The following NIN variants were observed in gnomAD, a reference collection of about 807,000 sequenced individuals.
The protein encoded by NIN is glycogen synthase kinase 3 beta-interacting protein.
NIN carries 137 observed loss-of-function variants against 257.6 expected under a neutral mutation model. The observed-to-expected ratio is 0.53, with a 90% CI of 0.46 to 0.61. The LOEUF (loss-of-function observed/expected upper bound fraction) is 0.61. NIN is among the 20% of genes least tolerant of loss of function. The probability of loss-of-function intolerance (pLI) is 0.00; values close to 1 mark genes in which losing one functional copy is unlikely to be tolerated. For missense variants in NIN, 2,439 were observed against 2,501.2 expected, an observed-to-expected ratio of 0.98 and a Z score of 0.53; for synonymous variants, 918 against 919.8, an observed-to-expected ratio of 1.00 and a Z score of 0.04.
chr14:50,766,509 G>T, intron 13 of NIN, 113 bp from the exon 14 acceptor site: 1 of 936,992 alleles, frequency 1.1e-6, no homozygotes. Context: ...TGATAGGAAT[G>T]TGACATGTAA....
At chr14:50,766,978 C>A in intron 12 of NIN, 88 bp from the exon 13 acceptor site, 2 of 839,608 alleles carry the variant, frequency 2.4e-6, no homozygotes, top group South Asian at 1.6e-5. Flanking sequence ...AAATCAGTAC[C>A]GTAGATTAAA....
chr14:50,745,122 G>C (rs1272088457), intron 22 of NIN, among the ~76,000 whole-genome samples: 3 of 152,078 alleles, frequency 2.0e-5, no homozygotes, highest in Admixed American at 6.5e-5. Context: ...ATGAAATCAA[G>C]ACAAACCAAA....
rs1481509627 is a variant in NIN at position 50,760,004 on chromosome 14, G to C, written c.2252C>G (p.Thr751Arg). The C allele has an allele frequency of 3.1e-6, 5 of 1,614,110 alleles. No individual in the cohort carries two copies. In the Admixed American group the frequency reaches 5.0e-5, roughly 16 times the overall value. ...AGTCAAGCCTCTCACCTTCTCTTCT[G>C]TCCAGGCGCTACTCTGAAGGCCTTC... ...EREGLQSSAW[T>R]EEKVRGLTQE... The change falls in exon 17 of 31, where the codon ACA becomes AGA. Residue 751 changes from threonine to arginine, a missense_variant. Thr to Arg is a moderately conservative substitution (Grantham distance 71). Coordinates refer to ENST00000530997, the MANE Select transcript of NIN (RefSeq NM_020921.4).
At chr14:50,725,818 C>T (rs563362580) in intron 30 of NIN, 135 bp downstream of exon 30, 1 of 1,513,886 alleles carries the variant, frequency 6.6e-7, no homozygotes, top group Admixed American at 2.0e-5. Context: ...ATCCTAAGTT[C>T]TTACAGACAT....
intron 27 of NIN, among the ~76,000 whole-genome samples, chr14:50,737,518 A>G (rs2041044698): frequency 7.0e-6 from 1 of 142,500 alleles, no homozygotes; most frequent in Non-Finnish European, 1.5e-5. Context: ...AAAAAAAAAA[A>G]AAGCCCATAT....
Position 50,772,332 on chromosome 14 carries a change from T to G in NIN, c.950A>C (p.Glu317Ala). Residue 317 changes from glutamate to alanine, a missense_variant, in exon 9 of 31, where the codon GAG becomes GCG. Glu to Ala is a moderately radical substitution (Grantham distance 107, BLOSUM62 -1). Coordinates refer to ENST00000530997, the MANE Select transcript of NIN (RefSeq NM_020921.4). ...VERILDTWQE[E>A]GIENSQEILK... Reference sequence around the variant, plus strand: ...GATCTCCTGGCTGTTCTCAATGCCCTCTTCCTGCCAGGTGTCCAGTATTCT... The same window carrying G: ...GATCTCCTGGCTGTTCTCAATGCCCGCTTCCTGCCAGGTGTCCAGTATTCT... 2 of 1,612,886 alleles carry G rather than the reference T, an allele frequency of 1.2e-6. No individual in the cohort carries two copies. The highest frequency in any genetic ancestry group is 1.7e-6 in the Non-Finnish European group (2 of 1,178,984).
At chr14:50,808,399 C>T (rs751892858) in intron 3 of NIN, among the ~76,000 whole-genome samples, 13 of 152,188 alleles carry the variant, frequency 8.5e-5, no homozygotes, top group Non-Finnish European at 1.5e-4. Flanking sequence ...TGAATTTCTA[C>T]AGAATCATTC....
At chr14:50,729,208 A>G (rs1039264153) in intron 29 of NIN, among the ~76,000 whole-genome samples, 1 of 152,118 alleles carries the variant, frequency 6.6e-6, no homozygotes, top group Non-Finnish European at 1.5e-5. Context: ...TGGATTTGTC[A>G]TACAGGTTAA....
At chr14:50,755,007 T>G in intron 18 of NIN, 140 bp from the exon 19 acceptor site, 2 of 540,148 alleles carry the variant, frequency 3.7e-6, no homozygotes, top group Non-Finnish European at 6.5e-6. Context: ...TCTTAGTATT[T>G]GGAAATCGAG....
chr14:50,757,064 A>G lies in NIN; in HGVS notation c.3966T>C (p.Asn1322=), dbSNP rs765651164. ...TGCCTTGAAGTCTCAAAACCAGAAC[A>G]TTCAGCCCCTCATTTTCTATTTTGA... The part of the protein sequence containing the change: ...DEVKIENEGL[N]VLVLRLQGKI... The change falls in exon 18 of 31, where the codon AAT becomes AAC. Residue 1322 remains asparagine, a synonymous_variant. Coordinates refer to ENST00000530997, the MANE Select transcript of NIN (RefSeq NM_020921.4). The G allele has an allele frequency of 5.0e-6, 8 of 1,613,704 alleles. No homozygotes were observed. The highest frequency in any genetic ancestry group is 1.6e-4 in the Middle Eastern group (1 of 6,080).
intron 5 of NIN, among the ~76,000 whole-genome samples, chr14:50,786,005 G>C (rs1031147216): frequency 6.6e-6 from 1 of 152,154 alleles, no homozygotes; most frequent in South Asian, 2.1e-4. Flanking sequence ...AAGTGCATGC[G>C]GGGGATGACA....
chr14:50,771,590 C>T (rs2042735183), intron 9 of NIN, 122 bp from the exon 10 acceptor site: 7 of 1,048,312 alleles, frequency 6.7e-6, no homozygotes, highest in Admixed American at 4.8e-5. Flanking sequence ...TAGACAATTC[C>T]ATTGCTTTGG....
chr14:50,804,345 G>A (rs1181359134), intron 4 of NIN, among the ~76,000 whole-genome samples: 2 of 152,206 alleles, frequency 1.3e-5, no homozygotes, highest in African/African-American at 2.4e-5. Context: ...TGGGAGGAAA[G>A]GCTGACTCAT....
At chr14:50,725,918 G>A (rs370044309) in intron 30 of NIN, 35 bp downstream of exon 30, 66 of 1,613,904 alleles carry the variant, frequency 4.1e-5, no homozygotes, top group Non-Finnish European at 5.3e-5. Context: ...GCTGGAATGT[G>A]AGGTGGGTGA....
In NIN at chr14:50,721,463, A is replaced by G. The variant is rs1446297999; in HGVS notation, c.*2000T>C. 9.2e-6 allele frequency: 2 copies of G among 217,234 alleles called. No individual in the cohort carries two copies. Among genetic ancestry groups the G allele is most frequent in the Admixed American group, 1.2e-4 (2 of 17,204 alleles). 13.5% of individuals were successfully genotyped at this position (217,234 alleles called of 1,614,324 possible). On this transcript the variant is annotated 3_prime_UTR_variant, in exon 31 of 31. Transcript: ENST00000530997. Reference sequence around the variant, plus strand: ...ATATTATTGTTCAGTTCCAACAGCAATAACTTTGAGTAACTTGACACATAT... The same window carrying G: ...ATATTATTGTTCAGTTCCAACAGCAGTAACTTTGAGTAACTTGACACATAT...
intron 29 of NIN, among the ~76,000 whole-genome samples, chr14:50,729,307 G>A (rs2040572750): frequency 6.6e-6 from 1 of 151,196 alleles, no homozygotes; most frequent in African/African-American, 2.4e-5. Context: ...TGCCCAGGCT[G>A]GAGTACAGTG....
intron 3 of NIN, among the ~76,000 whole-genome samples, chr14:50,818,775 C>A (rs1218174205): frequency 6.6e-6 from 1 of 151,934 alleles, no homozygotes; most frequent in Non-Finnish European, 1.5e-5. Context: ...TGGTTTCAAG[C>A]TATAAAGCAA....
intron 25 of NIN, 102 bp from the exon 26 acceptor site, chr14:50,739,589 G>T: frequency 9.9e-7 from 1 of 1,009,968 alleles, no homozygotes; most frequent in Non-Finnish European, 1.5e-6. Context: ...CTCCTAATAA[G>T]TACCTTTCAA....
intron 30 of NIN, 177 bp downstream of exon 30, chr14:50,725,776 C>T (rs1444327910): frequency 1.4e-5 from 15 of 1,093,116 alleles, no homozygotes; most frequent in African/African-American, 3.2e-5. Context: ...ATACAGAGTT[C>T]GTATTTTTTG....
Sources: gnomAD v4.1 joint callset for allele counts (sites outside exome capture counted in the v4.1 genomes callset) on GRCh38, gnomAD v4.1.1 for gene constraint, MANE v1.5 for transcripts, NCBI Gene and HGNC (gene_info 2026-07-23, HGNC 2026-07-21) for gene names.